ELMO1: variants seen among roughly 807,000 people sequenced by gnomAD.
The protein encoded by ELMO1 is engulfment and cell motility protein 1.
Under a neutral mutation model 98.9 loss-of-function variants are expected in ELMO1, and 26 were observed. The ratio of observed to expected loss-of-function variants is 0.26; its 90% confidence interval spans 0.19 to 0.36. ELMO1 has a LOEUF of 0.36. Among genes scored for constraint, ELMO1 ranks in the 10% least tolerant of loss-of-function variants. ELMO1 has a pLI of 1.00. For synonymous variants in ELMO1, 346 were observed against 346.0 expected (o/e 1.00, Z 0.00); for missense variants, 627 against 935.2 (o/e 0.67, Z 4.30).
chr7:37,171,039 T>C (rs1271055110), intron 13 of ELMO1, among the ~76,000 whole-genome samples: 2 of 152,154 alleles, frequency 1.3e-5, no homozygotes, highest in African/African-American at 2.4e-5. Context: ...CGTGGCAAAA[T>C]AGAGACACTG....
At chr7:37,047,261 T>C (rs1795845487) in intron 15 of ELMO1, among the ~76,000 whole-genome samples, 1 of 152,228 alleles carries the variant, frequency 6.6e-6, no homozygotes, top group African/African-American at 2.4e-5. Flanking sequence ...GAATAGCTTG[T>C]TAAATCAGAA....
intron 13 of ELMO1, among the ~76,000 whole-genome samples, chr7:37,168,307 T>C (rs1482405907): frequency 1.3e-5 from 2 of 151,100 alleles, no homozygotes; most frequent in Non-Finnish European, 3.0e-5. Flanking sequence ...GCTCATAGTT[T>C]GATCGTCTGA....
chr7:37,108,333 C>G (rs1234520965), intron 14 of ELMO1, among the ~76,000 whole-genome samples: 1 of 152,176 alleles, frequency 6.6e-6, no homozygotes, highest in African/African-American at 2.4e-5. Flanking sequence ...CCCTCCCTGA[C>G]ACACTGCCCC....
At chr7:37,107,407 T>C (rs1785010928) in intron 14 of ELMO1, among the ~76,000 whole-genome samples, 1 of 152,184 alleles carries the variant, frequency 6.6e-6, no homozygotes, top group Admixed American at 6.5e-5. Context: ...AAGGCATCTT[T>C]TTAACATTCC....
At chr7:37,261,345 C>T (rs892656456) in intron 5 of ELMO1, among the ~76,000 whole-genome samples, 2 of 152,324 alleles carry the variant, frequency 1.3e-5, no homozygotes, top group African/African-American at 4.8e-5. Context: ...CTCCAGAAAA[C>T]ACATTGTAAA....
At position 37,222,692 on chromosome 7, in the gene ELMO1, A is replaced by G. The variant is rs1297394471; in HGVS notation, c.703T>C (p.Ser235Pro). 1.9e-6 allele frequency: 3 copies of G among 1,613,434 alleles called. No individual in the cohort carries two copies. In the African/African-American group the frequency reaches 4.0e-5, roughly 22 times the overall value. ...IGQLIPHLQG[S>P]DQEIQTYTIA... Reference sequence around the variant, plus strand: ...GTATAGGTTTGGATTTCTTGATCTGACCTGTAAAGATAGAGAACAATTCAG... The same window carrying G: ...GTATAGGTTTGGATTTCTTGATCTGGCCTGTAAAGATAGAGAACAATTCAG... Residue 235 changes from serine to proline, a missense_variant and splice_region_variant, in exon 10 of 22, where the codon TCA (serine) becomes CCA (proline). Coordinates refer to ENST00000310758, the MANE Select transcript of ELMO1 (RefSeq NM_014800.11).
chr7:37,150,050 C>A (rs1459102544), intron 13 of ELMO1, among the ~76,000 whole-genome samples: 1 of 152,086 alleles, frequency 6.6e-6, no homozygotes, highest in Non-Finnish European at 1.5e-5. Context: ...GACTCAATGC[C>A]CAAATTTTGT....
At chr7:37,337,839 C>A (rs1217266086) in intron 2 of ELMO1, among the ~76,000 whole-genome samples, 1 of 152,084 alleles carries the variant, frequency 6.6e-6, no homozygotes, top group Non-Finnish European at 1.5e-5. Flanking sequence ...AGAAAAGCTG[C>A]TGCTCAGAAA....
intron 8 of ELMO1, among the ~76,000 whole-genome samples, chr7:37,229,444 C>T (rs1005000905): frequency 6.6e-6 from 1 of 152,000 alleles, no homozygotes; most frequent in Non-Finnish European, 1.5e-5. Context: ...AAACCAGAAT[C>T]TAGATTCACA....
intron 16 of ELMO1, chr7:36,984,959 T>C (rs1791387551): frequency 1.0e-6 from 1 of 985,482 alleles, no homozygotes; most frequent in South Asian, 4.7e-5. Context: ...TCTGGAATCC[T>C]GCTCGGTGCT....
chr7:37,218,300 T>C (rs1218823655), intron 10 of ELMO1, among the ~76,000 whole-genome samples: 2 of 152,230 alleles, frequency 1.3e-5, no homozygotes, highest in Non-Finnish European at 2.9e-5. Flanking sequence ...AAAGAAATCA[T>C]TGTAATTGTC....
At chr7:37,150,790 TTCTA>T (rs1463915315) in intron 13 of ELMO1, among the ~76,000 whole-genome samples, 3 of 152,212 alleles carry the variant, frequency 2.0e-5, no homozygotes, top group African/African-American at 7.2e-5. Flanking sequence ...GGTAATTTTT[TTCTA>T]TCTGTCCATA....
intron 1 of ELMO1, among the ~76,000 whole-genome samples, chr7:37,376,971 TA>T (rs1802375570): frequency 6.6e-6 from 1 of 152,210 alleles, no homozygotes; most frequent in Non-Finnish European, 1.5e-5. Context: ...TCAATGGAGT[TA>T]TATCCTGTTA....
At chr7:37,240,656 A>T (rs1383931636) in intron 7 of ELMO1, among the ~76,000 whole-genome samples, 1 of 152,042 alleles carries the variant, frequency 6.6e-6, no homozygotes. Context: ...TGCATTCACA[A>T]ATTTGGGTAT....
chr7:37,039,504 C>T lies in ELMO1; in HGVS notation c.1301-26069G>A, dbSNP rs552772624. 3.9e-5 allele frequency among the ~76,000 whole-genome samples: 6 copies of T among 152,288 alleles called. No homozygotes were observed. In the South Asian group the frequency reaches 1.2e-3, roughly 32 times the overall value. On this transcript the variant is annotated intron_variant, in intron 15 of 21. Coordinates refer to ENST00000310758, the MANE Select transcript of ELMO1 (RefSeq NM_014800.11). ...ATTCCAGTTTGTCTTAATACTGACT[C>T]AACAATAAGTGGTACTGAAATGCTG... is the stretch of plus-strand genomic sequence containing the variant.
chr7:36,974,678 C>T (rs922003280), intron 16 of ELMO1, among the ~76,000 whole-genome samples: 8 of 152,262 alleles, frequency 5.3e-5, no homozygotes, highest in East Asian at 1.9e-4. Flanking sequence ...GCAGGCTGCC[C>T]GAGCCAGCAG....
intron 4 of ELMO1, among the ~76,000 whole-genome samples, chr7:37,280,190 C>A (rs1409003387): frequency 6.6e-6 from 1 of 152,162 alleles, no homozygotes; most frequent in Non-Finnish European, 1.5e-5. Context: ...TCACCTTTTA[C>A]AAAAATCAAC....
At chr7:37,168,159 G>A (rs1450024148) in intron 13 of ELMO1, among the ~76,000 whole-genome samples, 1 of 151,968 alleles carries the variant, frequency 6.6e-6, no homozygotes, top group Non-Finnish European at 1.5e-5. Flanking sequence ...CATTCTTCAC[G>A]TAGTTCTCAA....
intron 1 of ELMO1, among the ~76,000 whole-genome samples, chr7:37,448,372 C>T (rs894888393): frequency 7.9e-5 from 12 of 151,484 alleles, no homozygotes; most frequent in Non-Finnish European, 1.6e-4. Flanking sequence ...TGCGCTTCAT[C>T]CGCGGGCGCC....
Sources: allele counts gnomAD v4.1 joint callset (sites outside exome capture counted in the v4.1 genomes callset), GRCh38; gene constraint gnomAD v4.1.1; transcripts MANE v1.5; gene names NCBI Gene and HGNC (gene_info 2026-07-23, HGNC 2026-07-21).